RFX2: variants seen among roughly 807,000 people sequenced by gnomAD.
RFX2 encodes regulatory factor X2.
RFX2 carries 20 observed loss-of-function variants against 87.8 expected under a neutral mutation model. The observed-to-expected ratio is 0.23, with a 90% CI of 0.16 to 0.33. The LOEUF (loss-of-function observed/expected upper bound fraction) is 0.33. RFX2 is among the 10% of genes least tolerant of loss of function. RFX2 has a pLI of 1.00. For synonymous variants in RFX2, 397 were observed against 431.3 expected, an observed-to-expected ratio of 0.92 and a Z score of 0.98; for missense variants, 767 against 1,012.3, an observed-to-expected ratio of 0.76 and a Z score of 3.29.
rs768516092 is a variant in RFX2 at position 6,022,511 on chromosome 19, G to A, written c.597+3652C>T. On this transcript the variant is annotated intron_variant, in intron 6 of 17. Coordinates refer to ENST00000303657, the MANE Select transcript of RFX2 (RefSeq NM_000635.4). This position sits in a 1 kb window ranked among gnomAD's most constrained non-coding sequence, Gnocchi z 6.2. ...CTCGGTGAACCTGCTACGGGGTCCC[G>A]GTCGGCTGGTAGCCTGAGGGCAGCC... Among the ~76,000 whole-genome samples the A allele has an allele frequency of 2.0e-5, 3 of 152,208 alleles. No homozygotes were observed. Among genetic ancestry groups the A allele is most frequent in the Admixed American group, 6.5e-5 (1 of 15,288 alleles).
chr19:6,095,475 C>T (rs755455192), intron 1 of RFX2, among the ~76,000 whole-genome samples: 3 of 152,032 alleles, frequency 2.0e-5, no homozygotes, highest in Non-Finnish European at 2.9e-5. Flanking sequence ...TAATTCCTTA[C>T]GTGGCAAAAG....
rs780757030 is a variant in RFX2, at chr19:6,047,272, G to C, written c.90+135C>G. 10 of 653,390 alleles carry C rather than the reference G, an allele frequency of 1.5e-5. No homozygotes were observed. Among genetic ancestry groups the C allele is most frequent in the Non-Finnish European group, 2.5e-5 (10 of 397,630 alleles). The allele number at this position is 653,390 out of a possible 1,614,324, so 40.5% of individuals were successfully genotyped here. Reference sequence around the variant, plus strand: ...TAAGGAAATTGTGCCTATTTCAACAGCAGCAGCACTGGGACTGAGAAGTCC... The same window carrying C: ...TAAGGAAATTGTGCCTATTTCAACACCAGCAGCACTGGGACTGAGAAGTCC... On this transcript the variant is annotated intron_variant, in intron 2 of 17. Coordinates refer to ENST00000303657, the MANE Select transcript of RFX2 (RefSeq NM_000635.4). This position sits in a 1 kb window ranked among gnomAD's most constrained non-coding sequence, Gnocchi z 4.2.
chr19:6,107,388 G>A (rs987517362), intron 1 of RFX2, among the ~76,000 whole-genome samples: 9 of 151,714 alleles, frequency 5.9e-5, no homozygotes, highest in African/African-American at 1.5e-4. Flanking sequence ...AGGCCAAGGC[G>A]GTTGGATCAT....
rs1446666726 is a variant in RFX2 at position 6,004,234 on chromosome 19, C to G, written c.1467G>C (p.Met489Ile). 6.2e-7 allele frequency: 1 copy of G among 1,613,716 alleles called. No homozygotes were observed. Among genetic ancestry groups the G allele is most frequent in the South Asian group, 1.1e-5 (1 of 91,050 alleles). The change falls in exon 13 of 18, where the codon ATG (methionine) becomes ATC (isoleucine). Residue 489 changes from methionine (M) to isoleucine (I), a missense_variant. Physicochemically the swap from Met to Ile is conservative, Grantham distance 10 (BLOSUM62 1). Around this residue, in one of 2 missense-constraint regions of RFX2, gnomAD observed 621 missense variants for 873.0 expected, o/e 0.71. Transcript: ENST00000303657. This position sits in a 1 kb window ranked among gnomAD's most constrained non-coding sequence, Gnocchi z 4.8. Reference protein sequence around the residue: ...KSLEGWLTNAMSDFPQQVIQT... With the variant: ...KSLEGWLTNAISDFPQQVIQT... Reference sequence around the variant, plus strand: ...GGATGACCTGTTGTGGGAAGTCACTCATGGCATTTGTCAACCAGCCTTCCA... The same window carrying G: ...GGATGACCTGTTGTGGGAAGTCACTGATGGCATTTGTCAACCAGCCTTCCA...
In RFX2 at chr19:6,021,112, G is replaced by A. The variant is rs983962261; in HGVS notation, c.598-4841C>T. Among the ~76,000 whole-genome samples, 2 of 152,162 alleles carry A rather than the reference G, an allele frequency of 1.3e-5. No homozygotes were observed. Among genetic ancestry groups the A allele is most frequent in the Non-Finnish European group, 2.9e-5 (2 of 68,036 alleles). ...AAGATACTTGTTTCTATTCCTGGGG[G>A]CAAATTTGCCTGACACTGGCTCCTG... On this transcript the variant is annotated intron_variant, in intron 6 of 17. Transcript: ENST00000303657. The surrounding 1 kb of genome is among the most constrained non-coding windows in gnomAD (Gnocchi z 5.7).
intron 1 of RFX2, among the ~76,000 whole-genome samples, chr19:6,059,585 C>A (rs145242562): frequency 0.015 from 2,211 of 152,226 alleles, 57 homozygotes; most frequent in African/African-American, 0.05. Flanking sequence ...GGATACCAAG[C>A]TAGAGGCCGA....
At chr19:6,019,561 CTTT>C (rs371545871) in intron 6 of RFX2, among the ~76,000 whole-genome samples, 1 of 102,490 alleles carries the variant, frequency 9.8e-6, no homozygotes, top group Non-Finnish European at 2.0e-5. Flanking sequence ...CTTTTATATA[CTTT>C]TTTTTTTTTT....
rs1219766588 is a variant in RFX2, at chr19:6,022,021, G to A, written c.597+4142C>T. On this transcript the variant is annotated intron_variant, in intron 6 of 17. Coordinates refer to ENST00000303657, the MANE Select transcript of RFX2 (RefSeq NM_000635.4). The surrounding 1 kb of genome is among the most constrained non-coding windows in gnomAD (Gnocchi z 6.2). Reference sequence around the variant, plus strand: ...AAGGTGAGGTTGAAGAGCATCTGGGGGTGGGCATGAGAGGAGCAAGGAGGC... The same window carrying A: ...AAGGTGAGGTTGAAGAGCATCTGGGAGTGGGCATGAGAGGAGCAAGGAGGC... Among the ~76,000 whole-genome samples the A allele has an allele frequency of 6.6e-6, 1 of 152,140 alleles. No individual in the cohort carries two copies. Among genetic ancestry groups the A allele is most frequent in the South Asian group, 2.1e-4 (1 of 4,826 alleles).
At chr19:6,033,205 C>T (rs669638) in intron 5 of RFX2, among the ~76,000 whole-genome samples, 3 of 152,174 alleles carry the variant, frequency 2.0e-5, no homozygotes, top group Non-Finnish European at 4.4e-5. Context: ...AATCCACGGA[C>T]GTTATAGAAT....
chr19:6,040,925 C>G lies in RFX2; in HGVS notation c.261-684G>C, dbSNP rs1017635060. ...AAAGAAATAGACACGCACGCACATG[C>G]AAGGGTACACACATGAACATGCAAA... On this transcript the variant is annotated intron_variant, in intron 4 of 17. Coordinates refer to ENST00000303657, the MANE Select transcript of RFX2 (RefSeq NM_000635.4). The surrounding 1 kb of genome is among the most constrained non-coding windows in gnomAD (Gnocchi z 6.1). 6.6e-6 allele frequency among the ~76,000 whole-genome samples: 1 copy of G among 152,086 alleles called. No homozygotes were observed. Among genetic ancestry groups the G allele is most frequent in the African/African-American group, 2.4e-5 (1 of 41,406 alleles).
In RFX2 at chr19:6,042,067, G is replaced by T; in HGVS notation, c.237C>A (p.Asp79Glu). Reference sequence around the variant, plus strand: ...ACATGGCTCCATTGGTGTAGACGGCGTCTCCCCCTTCCACGTACTGCACCT... The same window carrying T: ...ACATGGCTCCATTGGTGTAGACGGCTTCTCCCCCTTCCACGTACTGCACCT... ...PAQVQYVEGG[D>E]AVYTNGAIRT... The change falls in exon 4 of 18, where the codon GAC (aspartate) becomes GAA (glutamate). Residue 79 changes from aspartate to glutamate, a missense_variant. Around this residue, in one of 2 missense-constraint regions of RFX2, gnomAD observed 146 missense variants for 139.2 expected, o/e 1.05. Transcript: ENST00000303657. 6.2e-7 allele frequency: 1 copy of T among 1,613,954 alleles called. No individual in the cohort carries two copies. Among genetic ancestry groups the T allele is most frequent in the African/African-American group, 1.3e-5 (1 of 75,026 alleles).
chr19:6,096,347 T>C (rs1373865003), intron 1 of RFX2, among the ~76,000 whole-genome samples: 1 of 152,238 alleles, frequency 6.6e-6, no homozygotes, highest in Non-Finnish European at 1.5e-5. Flanking sequence ...TGGGAAGCCC[T>C]GTACCAGTCT....
Position 6,002,952 on chromosome 19 carries a change from A to C in RFX2, c.1501-82T>G. On this transcript the variant is annotated intron_variant, in intron 13 of 17. Transcript: ENST00000303657. The surrounding 1 kb of genome is among the most constrained non-coding windows in gnomAD (Gnocchi z 6.7). ...GCTCCTTGCAGGGGTGTGTGGGCTC[A>C]GGGACAACACAGGGAGGAGGGAGCA... is the stretch of plus-strand genomic sequence containing the variant. The C allele has an allele frequency of 6.8e-7, 1 of 1,468,924 alleles. No individual in the cohort carries two copies. The highest frequency in any genetic ancestry group is 9.2e-7 in the Non-Finnish European group (1 of 1,089,688). The allele number at this position is 1,468,924 out of a possible 1,614,324, so 91.0% of individuals were successfully genotyped here.
chr19:6,086,701 C>T (rs73549958), intron 1 of RFX2, among the ~76,000 whole-genome samples: 5,221 of 152,284 alleles, frequency 0.034, 330 homozygotes, highest in African/African-American at 0.12. Flanking sequence ...TCTGTGTCTC[C>T]CCTTTGACAG....
At chr19:6,077,719 C>A (rs902307259) in intron 1 of RFX2, among the ~76,000 whole-genome samples, 15 of 152,134 alleles carry the variant, frequency 9.9e-5, no homozygotes, top group African/African-American at 3.1e-4. Flanking sequence ...CGGTGGCTCA[C>A]ACCTGTAATC....
intron 1 of RFX2, among the ~76,000 whole-genome samples, chr19:6,059,502 T>C (rs17205955): frequency 0.012 from 1,815 of 152,266 alleles, 18 homozygotes; most frequent in Non-Finnish European, 0.02. Flanking sequence ...CAAAACTTGG[T>C]TTCTAGGAAA....
rs1377033232 is a variant in RFX2, at chr19:6,042,071, C to G, written c.233G>C (p.Gly78Ala). 2.5e-6 allele frequency: 4 copies of G among 1,613,712 alleles called. No individual in the cohort carries two copies. In the Admixed American group the frequency reaches 5.0e-5, roughly 20 times the overall value. The stretch of plus-strand genomic sequence containing the variant: ...GGCTCCATTGGTGTAGACGGCGTCT[C>G]CCCCTTCCACGTACTGCACCTGGGC... ...YPAQVQYVEG[G>A]DAVYTNGAIR... Residue 78 changes from glycine to alanine, a missense_variant, in exon 4 of 18, where the codon GGA (glycine) becomes GCA (alanine). Gly to Ala is a moderately conservative substitution (Grantham distance 60, BLOSUM62 0). Coordinates refer to ENST00000303657, the MANE Select transcript of RFX2 (RefSeq NM_000635.4).
In RFX2 at chr19:6,047,503, G is replaced by A. The variant is rs755792977; in HGVS notation, c.-7C>T. 6.2e-7 allele frequency: 1 copy of A among 1,605,376 alleles called. No homozygotes were observed. Among genetic ancestry groups the A allele is most frequent in the East Asian group, 2.2e-5 (1 of 44,546 alleles). ...CACCCTCGGAATTCTGCATGCTCAG[G>A]TCTAAAGAAAGGCGGAGAGAGATTG... is the stretch of plus-strand genomic sequence containing the variant. On this transcript the variant is annotated splice_region_variant and 5_prime_UTR_variant, in exon 2 of 18. Transcript: ENST00000303657. The surrounding 1 kb of genome is among the most constrained non-coding windows in gnomAD (Gnocchi z 4.2).
intron 16 of RFX2, among the ~76,000 whole-genome samples, chr19:5,995,873 T>C (rs1421797115): frequency 2.0e-5 from 3 of 152,036 alleles, no homozygotes; most frequent in Non-Finnish European, 4.4e-5. Flanking sequence ...TGCTGACTAC[T>C]CGGGGCAGCG....
Sources: gnomAD v4.1 joint callset for allele counts (sites outside exome capture counted in the v4.1 genomes callset) on GRCh38, gnomAD v4.1.1 for gene constraint, gnomAD v4.1.1 regional missense constraint, Gnocchi (gnomAD v3.1) non-coding constraint, MANE v1.5 for transcripts, NCBI Gene and HGNC (gene_info 2026-07-23, HGNC 2026-07-21) for gene names.